Variants in MTA3 observed in about 807,000 individuals in gnomAD.
The protein encoded by MTA3 is metastasis-associated protein MTA3.
Under a neutral mutation model 83.5 loss-of-function variants are expected in MTA3, and 34 were observed. The ratio of observed to expected loss-of-function variants is 0.41; its 90% CI spans 0.31 to 0.54. The LOEUF is 0.54. Ranked by LOEUF, MTA3 falls within the 20% of genes least tolerant of loss-of-function variation. MTA3 has a pLI of 0.33. For synonymous variants in MTA3, 303 were observed against 252.7 expected (o/e 1.20, Z -1.89); for missense variants, 761 against 726.4 (o/e 1.05, Z -0.55).
At chr2:42,659,924 C>A in intron 8 of MTA3, 62 bp downstream of exon 8, 1 of 1,340,646 alleles carries the variant, frequency 7.5e-7, no homozygotes, top group Non-Finnish European at 1.0e-6. Context: ...AATTTTAAAG[C>A]CATTGTGGCA....
intron 16 of MTA3, among the ~76,000 whole-genome samples, chr2:42,743,451 G>A (rs1669183421): frequency 6.6e-6 from 1 of 152,214 alleles, no homozygotes; most frequent in Non-Finnish European, 1.5e-5. Context: ...TCAGAAGAGA[G>A]ATGAGTTTTC....
chr2:42,653,881 A>G lies in MTA3; in HGVS notation c.500-2319A>G, dbSNP rs1573489240. ...ATTTCTTGTGTGTTATTTAAAATGT[A>G]GATTTCAAATGTTTTACCACTACTA... On this transcript the variant is annotated intron_variant, in intron 6 of 16. Coordinates refer to ENST00000405094, the MANE Select transcript of MTA3 (RefSeq NM_001330442.2). Among the ~76,000 whole-genome samples the G allele has an allele frequency of 3.9e-5, 6 of 152,362 alleles. 1 individual carries two copies. In the South Asian group the frequency reaches 1.2e-3, roughly 32 times the overall value.
intron 4 of MTA3, among the ~76,000 whole-genome samples, chr2:42,614,604 C>G (rs1284114122): frequency 6.6e-6 from 1 of 152,048 alleles, no homozygotes; most frequent in East Asian, 1.9e-4. Flanking sequence ...GATGCTCGGG[C>G]TGTTGTACTC....
At chr2:42,579,767 T>A (rs1379183312) in intron 3 of MTA3, among the ~76,000 whole-genome samples, 1 of 151,246 alleles carries the variant, frequency 6.6e-6, no homozygotes, top group Admixed American at 6.6e-5. Flanking sequence ...CCCAGGCTGG[T>A]CTTGAACCCT....
chr2:42,734,369 C>A (rs1668459195), intron 16 of MTA3, among the ~76,000 whole-genome samples: 1 of 135,528 alleles, frequency 7.4e-6, no homozygotes, highest in Non-Finnish European at 1.6e-5. Flanking sequence ...TTTTTGGTTT[C>A]CATTTGCATG....
At chr2:42,526,708 A>G (rs1156436107) in intron 2 of MTA3, among the ~76,000 whole-genome samples, 2 of 152,040 alleles carry the variant, frequency 1.3e-5, no homozygotes, top group African/African-American at 2.4e-5. Flanking sequence ...ATAAAAGTGA[A>G]CCTGAAAGAG....
intron 2 of MTA3, among the ~76,000 whole-genome samples, chr2:42,578,353 T>C (rs1218565614): frequency 1.3e-5 from 2 of 152,226 alleles, no homozygotes. Context: ...TAACTGAATT[T>C]TTTTTTGAAG....
At chr2:42,669,179 G>T (rs568693249) in intron 8 of MTA3, among the ~76,000 whole-genome samples, 1 of 151,378 alleles carries the variant, frequency 6.6e-6, no homozygotes, top group Non-Finnish European at 1.5e-5. Flanking sequence ...CCACCTTCTG[G>T]GTTCAAGCGA....
chr2:42,503,885 C>G (rs540511941), intron 2 of MTA3, among the ~76,000 whole-genome samples: 1 of 150,340 alleles, frequency 6.7e-6, no homozygotes, highest in East Asian at 2.0e-4. Flanking sequence ...AATAAACAAA[C>G]TGCCCTCAGA....
intron 2 of MTA3, among the ~76,000 whole-genome samples, chr2:42,528,260 G>A (rs945049149): frequency 6.7e-6 from 1 of 148,310 alleles, no homozygotes; most frequent in Non-Finnish European, 1.5e-5. Flanking sequence ...TTGCTCTGTT[G>A]CCCAGGGTGG....
intron 16 of MTA3, among the ~76,000 whole-genome samples, chr2:42,745,108 C>T (rs1012896869): frequency 6.6e-6 from 1 of 152,146 alleles, no homozygotes; most frequent in Non-Finnish European, 1.5e-5. Context: ...ATGCATTTTC[C>T]TCTATCAGCC....
chr2:42,711,782 G>GTTTGTGTGTC (rs1340324159), intron 14 of MTA3, among the ~76,000 whole-genome samples: 2 of 145,994 alleles, frequency 1.4e-5, no homozygotes, highest in African/African-American at 5.5e-5. Flanking sequence ...GAGAGAGAGA[G>GTTTGTGTGTC]AGTGTGTGTG....
intron 2 of MTA3, among the ~76,000 whole-genome samples, chr2:42,549,403 GTATATAATATATAT>G (rs1214936689): frequency 9.2e-6 from 1 of 109,220 alleles, no homozygotes; most frequent in African/African-American, 3.7e-5. Flanking sequence ...TTATATATAC[GTATATAATATATAT>G]TATATAATAT....
intron 8 of MTA3, among the ~76,000 whole-genome samples, chr2:42,672,167 C>T (rs1690855353): frequency 6.6e-6 from 1 of 152,052 alleles, no homozygotes; most frequent in African/African-American, 2.4e-5. Context: ...CATGGGGTCA[C>T]TGTGACCTAT....
intron 14 of MTA3, among the ~76,000 whole-genome samples, chr2:42,711,771 G>GGAGA (rs111819056): frequency 2.2e-5 from 1 of 44,654 alleles, no homozygotes; most frequent in Non-Finnish European, 4.9e-5. Context: ...GGAGTGTATA[G>GGAGA]GAGAGAGAGA....
intron 4 of MTA3, among the ~76,000 whole-genome samples, chr2:42,639,326 C>T (rs1444147945): frequency 6.6e-6 from 1 of 151,918 alleles, no homozygotes; most frequent in African/African-American, 2.4e-5. Context: ...AATGATCTTA[C>T]GACATTTTAA....
At position 42,644,112 on chromosome 2, in the gene MTA3, T is replaced by G; in HGVS notation, c.382-15T>G. On this transcript the variant is annotated splice_polypyrimidine_tract_variant and intron_variant, in intron 5 of 16. Transcript: ENST00000405094. ...AGGAATTAAGTATACCTATGTATTT[T>G]GTCATATTTTTCAGGATACCTTCTT... 1 of 1,487,908 alleles carries G rather than the reference T, an allele frequency of 6.7e-7. No individual in the cohort carries two copies. Among genetic ancestry groups the G allele is most frequent in the Non-Finnish European group, 9.3e-7 (1 of 1,077,710 alleles). The allele number at this position is 1,487,908 out of a possible 1,614,324, so 92.2% of individuals were successfully genotyped here.
chr2:42,626,609 T>G (rs965148116), intron 4 of MTA3, among the ~76,000 whole-genome samples: 1 of 151,992 alleles, frequency 6.6e-6, no homozygotes, highest in African/African-American at 2.4e-5. Flanking sequence ...GAGCTTCAGT[T>G]TTATGGGCTG....
intron 8 of MTA3, among the ~76,000 whole-genome samples, 175 bp downstream of exon 8, chr2:42,660,037 G>A (rs1288468222): frequency 2.6e-5 from 4 of 151,672 alleles, no homozygotes; most frequent in African/African-American, 9.7e-5. Flanking sequence ...TCGTCTGTGA[G>A]TTGAGAGTTT....
Sources: allele counts gnomAD v4.1 joint callset (sites outside exome capture counted in the v4.1 genomes callset), GRCh38; gene constraint gnomAD v4.1.1; transcripts MANE v1.5; gene names NCBI Gene and HGNC (gene_info 2026-07-23, HGNC 2026-07-21).